CALD1: variants seen among roughly 807,000 people sequenced by gnomAD.
CALD1 encodes caldesmon 1.
In CALD1, 33 loss-of-function variants were observed where a neutral mutation model predicts 99.9. The ratio of observed to expected loss-of-function variants is 0.33; its 90% CI spans 0.25 to 0.44. The LOEUF (loss-of-function observed/expected upper bound fraction) is 0.44, where lower values mean the gene tolerates loss of function less well. Among genes scored for constraint, CALD1 ranks in the 20% least tolerant of loss-of-function variants. The probability of loss-of-function intolerance (pLI) is 1.00; values close to 1 mark genes in which losing one functional copy is unlikely to be tolerated. For synonymous variants in CALD1, 310 were observed against 325.0 expected (o/e 0.95, Z 0.50); for missense variants, 861 against 962.1 (o/e 0.89, Z 1.39).
At position 134,783,325 on chromosome 7, in the gene CALD1, C is replaced by G. The variant is rs1402528960; in HGVS notation, c.-130+3576C>G. On this transcript the variant is annotated intron_variant, in intron 1 of 14. Coordinates refer to ENST00000361675, the MANE Select transcript of CALD1 (RefSeq NM_033138.4). The surrounding 1 kb of genome is among the most constrained non-coding windows in gnomAD (Gnocchi z 4.3). Reference sequence around the variant, plus strand: ...CCTGTAACCTCTTCCCCAGCTCCCCCATCCCTGTACCGGATAGGGAGCTTT... The same window carrying G: ...CCTGTAACCTCTTCCCCAGCTCCCCGATCCCTGTACCGGATAGGGAGCTTT... 1.3e-5 allele frequency among the ~76,000 whole-genome samples: 2 copies of G among 152,224 alleles called. No homozygotes were observed. Among genetic ancestry groups the G allele is most frequent in the East Asian group, 1.9e-4 (1 of 5,202 alleles).
chr7:134,900,295 G>C (rs1802895604), intron 3 of CALD1, among the ~76,000 whole-genome samples: 1 of 152,154 alleles, frequency 6.6e-6, no homozygotes, highest in Non-Finnish European at 1.5e-5. Context: ...CTTCTTTGTA[G>C]ATAGTTTCTG....
At chr7:134,749,887 T>C (rs562236857) in intron 1 of CALD1, among the ~76,000 whole-genome samples, 36 of 152,304 alleles carry the variant, frequency 2.4e-4, no homozygotes, top group Non-Finnish European at 4.4e-4. Flanking sequence ...GTTCTTACTC[T>C]CATAGAAAGA....
intron 7 of CALD1, among the ~76,000 whole-genome samples, chr7:134,943,657 C>T (rs567370344): frequency 4.7e-4 from 72 of 152,000 alleles, no homozygotes; most frequent in Admixed American, 1.6e-3. Context: ...ATTATAAAAA[C>T]GCTCAGAAAA....
chr7:134,741,972 GA>G (rs1207433811), upstream of CALD1, among the ~76,000 whole-genome samples: 3 of 151,422 alleles, frequency 2.0e-5, no homozygotes, highest in African/African-American at 7.3e-5. Context: ...TAAGGATATA[GA>G]AGTCCTGAAA....
At chr7:134,904,512 C>T (rs911428764) in intron 3 of CALD1, among the ~76,000 whole-genome samples, 4 of 151,882 alleles carry the variant, frequency 2.6e-5, no homozygotes, top group African/African-American at 7.3e-5. Context: ...GCTGGGAGGT[C>T]GTTGTTCTCA....
At position 134,933,949 on chromosome 7, in the gene CALD1, G is replaced by A. The variant is rs769104192; in HGVS notation, c.1180G>A (p.Glu394Lys). 2.5e-6 allele frequency: 4 copies of A among 1,613,956 alleles called. No individual in the cohort carries two copies. Among genetic ancestry groups the A allele is most frequent in the Non-Finnish European group, 2.5e-6 (3 of 1,179,990 alleles). ...GCAGAAACGTAACAAGCAGCTAGAA[G>A]AGAAAAAACATGCCATGCAAGAGAC... is the stretch of plus-strand genomic sequence containing the variant. ...EEQKRNKQLE[E>K]KKHAMQETKI... Residue 394 changes from glutamate (E) to lysine (K), a missense_variant, in exon 5 of 15, where the codon GAG becomes AAG. Around this residue, in one of 5 missense-constraint regions of CALD1, gnomAD observed 293 missense variants for 262.7 expected, o/e 1.12. Transcript: ENST00000361675.
At chr7:134,876,920 C>G (rs1801379167) in intron 3 of CALD1, among the ~76,000 whole-genome samples, 1 of 152,134 alleles carries the variant, frequency 6.6e-6, no homozygotes, top group African/African-American at 2.4e-5. Context: ...AGGTGCCTTT[C>G]AGAGAGTAGG....
At chr7:134,868,567 G>A (rs778180641) in intron 3 of CALD1, among the ~76,000 whole-genome samples, 3 of 152,194 alleles carry the variant, frequency 2.0e-5, no homozygotes, top group Middle Eastern at 3.4e-3. Flanking sequence ...AAATCAAATC[G>A]ATTTTTTTCC....
At chr7:134,762,488 A>T (rs1796787751) in intron 1 of CALD1, among the ~76,000 whole-genome samples, 1 of 152,190 alleles carries the variant, frequency 6.6e-6, no homozygotes, top group Non-Finnish European at 1.5e-5. Flanking sequence ...TACTATAAAG[A>T]AATACCAGAG....
chr7:134,850,123 A>G (rs1800015512), intron 2 of CALD1, among the ~76,000 whole-genome samples: 1 of 152,260 alleles, frequency 6.6e-6, no homozygotes, highest in Non-Finnish European at 1.5e-5. Flanking sequence ...CCAAGGCACA[A>G]GTGAACATAA....
chr7:134,900,408 AC>A (rs1250542133), intron 3 of CALD1, among the ~76,000 whole-genome samples: 1 of 152,128 alleles, frequency 6.6e-6, no homozygotes, highest in Non-Finnish European at 1.5e-5. Flanking sequence ...GGGGTTAGGT[AC>A]ATTGGACTGG....
At position 134,969,720 on chromosome 7, in the gene CALD1, T is replaced by TC. The variant is rs550480651; in HGVS notation, c.*1380dup. The TC allele has an allele frequency of 6.6e-6, 1 of 152,226 alleles. No individual in the cohort carries two copies. The highest frequency in any genetic ancestry group is 1.5e-5 in the Non-Finnish European group (1 of 68,028). 9.4% of individuals were successfully genotyped at this position (152,226 alleles called of 1,614,324 possible). A position where few individuals can be genotyped will look rare whatever the true frequency, so the allele number is the denominator to read the frequency against. On this transcript the variant is annotated 3_prime_UTR_variant, in exon 15 of 15. Coordinates refer to ENST00000361675, the MANE Select transcript of CALD1 (RefSeq NM_033138.4). ...TGTAACTTCTACTAGTTTTACTTTC[T>TC]CCCCCAAGTCTTTTTTAACTCATGA...
the CALD1 span, among the ~76,000 whole-genome samples, chr7:134,737,335 C>T: frequency 2.8e-4 from 42 of 151,782 alleles, no homozygotes; most frequent in Non-Finnish European, 5.0e-4. Context: ...TGCCAACTTT[C>T]CCAGGCTGGT....
the CALD1 span, among the ~76,000 whole-genome samples, chr7:134,727,188 T>A: frequency 4.5e-4 from 69 of 152,338 alleles, no homozygotes; most frequent in African/African-American, 1.2e-3. Context: ...GAATCTGAAC[T>A]ATCAGATAAA....
intron 3 of CALD1, among the ~76,000 whole-genome samples, chr7:134,876,580 TAGTC>T (rs1801364064): frequency 6.6e-6 from 1 of 152,170 alleles, no homozygotes; most frequent in East Asian, 1.9e-4. Context: ...TACCAGTTAA[TAGTC>T]AGGAACTGGG....
chr7:134,849,867 A>G (rs990392833), intron 2 of CALD1, among the ~76,000 whole-genome samples: 3 of 152,108 alleles, frequency 2.0e-5, no homozygotes, highest in Non-Finnish European at 4.4e-5. Context: ...TACATTTACT[A>G]TTGTATTCTG....
intron 2 of CALD1, among the ~76,000 whole-genome samples, chr7:134,856,354 A>T (rs1412117804): frequency 1.3e-5 from 2 of 152,188 alleles, no homozygotes; most frequent in Non-Finnish European, 2.9e-5. Context: ...GAGAAAAGAT[A>T]AAAGTCCTGT....
intron 13 of CALD1, among the ~76,000 whole-genome samples, chr7:134,964,065 C>T (rs990680941): frequency 3.3e-5 from 5 of 152,114 alleles, no homozygotes; most frequent in African/African-American, 1.2e-4. Context: ...AGCGTGGTGG[C>T]TTGTGCCTGT....
intron 1 of CALD1, among the ~76,000 whole-genome samples, chr7:134,757,164 T>C (rs1432228365): frequency 6.6e-6 from 1 of 152,030 alleles, no homozygotes; most frequent in Non-Finnish European, 1.5e-5. Context: ...AATAAACCCC[T>C]GAAGCATAAA....
Sources: allele counts gnomAD v4.1 joint callset (sites outside exome capture counted in the v4.1 genomes callset), GRCh38; gene constraint gnomAD v4.1.1; regional missense constraint gnomAD v4.1.1; non-coding constraint Gnocchi (gnomAD v3.1); transcripts MANE v1.5; gene names NCBI Gene and HGNC (gene_info 2026-07-23, HGNC 2026-07-21).